Variants in SRP14 observed in about 807,000 individuals in gnomAD.
SRP14 encodes the protein signal recognition particle 14 kDa protein.
In SRP14, 1 loss-of-function variant was observed where a neutral mutation model predicts 16.0. The ratio of observed to expected loss-of-function variants is 0.06; its 90% CI spans 0.02 to 0.30. The LOEUF (loss-of-function observed/expected upper bound fraction) is 0.30. Ranked by LOEUF, SRP14 falls within the 10% of genes least tolerant of loss-of-function variation. The pLI is 1.00. For missense variants in SRP14, 120 were observed against 163.1 expected, an observed-to-expected ratio of 0.74 and a Z score of 1.44; for synonymous variants, 67 against 60.1, an observed-to-expected ratio of 1.12 and a Z score of -0.53.
rs2035628139 is a variant in SRP14, at chr15:40,036,633, A to T, written c.244-133T>A. The T allele has an allele frequency of 5.8e-6, 5 of 860,290 alleles. No homozygotes were observed. The South Asian group carries it at 8.2e-5, about 14-fold the overall frequency. The allele number at this position is 860,290 out of a possible 1,614,324, so 53.3% of individuals were successfully genotyped here. On this transcript the variant is annotated intron_variant, in intron 4 of 4. Transcript: ENST00000267884. ...TAGCACCATTGGACACTTGTACCGG[A>T]AAATGGTATAAGCATAAAACACTCT... is the stretch of plus-strand genomic sequence containing the variant.
intron 3 of SRP14, 136 bp from the exon 4 acceptor site, chr15:40,037,154 A>T (rs967942604): frequency 1.6e-6 from 2 of 1,253,720 alleles, no homozygotes; most frequent in Admixed American, 2.9e-5. Context: ...TTCAGGGTTC[A>T]TAATACACGA....
chr15:40,036,616 T>C (rs559461511), intron 4 of SRP14, 116 bp from the exon 5 acceptor site: 17 of 990,694 alleles, frequency 1.7e-5, no homozygotes, highest in South Asian at 4.6e-5. Context: ...TATAGCACCA[T>C]TGGACACTTG....
rs1457337575 is a variant in SRP14 at position 40,038,936 on chromosome 15, G to A, written c.37C>T (p.Leu13=). The A allele has an allele frequency of 6.2e-7, 1 of 1,612,794 alleles. No homozygotes were observed. Among genetic ancestry groups the A allele is most frequent in the Non-Finnish European group, 8.5e-7 (1 of 1,179,492 alleles). ...CGGCACTTCTGGAAAAGTCTGGTCAGCTCCGTCAGGAACTGGAAAACAACA... is the reference window on the plus strand; with the variant it reads ...CGGCACTTCTGGAAAAGTCTGGTCAACTCCGTCAGGAACTGGAAAACAACA... ...LLESEQFLTE[L]TRLFQKCRTS... Residue 13 remains leucine, a synonymous_variant, in exon 2 of 5, where the codon CTG becomes TTG. Transcript: ENST00000267884.
At chr15:40,037,062 AG>A in intron 3 of SRP14, 44 bp from the exon 4 acceptor site, 2 of 1,601,586 alleles carry the variant, frequency 1.2e-6, no homozygotes, top group South Asian at 1.1e-5. Flanking sequence ...TATCCATATA[AG>A]CATCCTCTTC....
intron 3 of SRP14, among the ~76,000 whole-genome samples, chr15:40,037,787 A>G (rs1340144721): frequency 6.6e-6 from 1 of 152,258 alleles, no homozygotes; most frequent in Non-Finnish European, 1.5e-5. Context: ...AGAATAAAGT[A>G]GTATTCACTC....
Position 40,036,974 on chromosome 15 carries a change from C to G in SRP14, c.243+12G>C. On this transcript the variant is annotated intron_variant, in intron 4 of 4. Coordinates refer to ENST00000267884, the MANE Select transcript of SRP14 (RefSeq NM_003134.6). ...CCTGAGAAGGGAAACATAAGGAACA[C>G]CCAAAACTCACCATCTGAAACTTAT... The G allele has an allele frequency of 6.2e-7, 1 of 1,613,958 alleles. No homozygotes were observed. Among genetic ancestry groups the G allele is most frequent in the Non-Finnish European group, 8.5e-7 (1 of 1,179,972 alleles).
chr15:40,037,279 G>GTAAAAAAAAAAA lies in SRP14; in HGVS notation c.211-262_211-261insTTTTTTTTTTTA. On this transcript the variant is annotated intron_variant, in intron 3 of 4. Coordinates refer to ENST00000267884, the MANE Select transcript of SRP14 (RefSeq NM_003134.6). ...TGAAAGGCAGTAGGCTCCTTTTGGG[G>GTAAAAAAAAAAA]AAAAAAAAAAAAAAAGCTTTGTTTC... 5.4e-6 allele frequency: 4 copies of GTAAAAAAAAAAA among 740,784 alleles called. No individual in the cohort carries two copies. In the East Asian group the frequency reaches 2.8e-4, roughly 51 times the overall value. The allele number at this position is 740,784 out of a possible 1,614,324, so 45.9% of individuals were successfully genotyped here. A position where few individuals can be genotyped will look rare whatever the true frequency, so the allele number is the denominator to read the frequency against.
rs993341509 is a variant in SRP14, at chr15:40,035,702, A to T, written c.*631T>A. 2.0e-5 allele frequency: 3 copies of T among 152,296 alleles called. No homozygotes were observed. Among genetic ancestry groups the T allele is most frequent in the African/African-American group, 7.2e-5 (3 of 41,454 alleles). The allele number at this position is 152,296 out of a possible 1,614,324, so 9.4% of individuals were successfully genotyped here. On this transcript the variant is annotated 3_prime_UTR_variant, in exon 5 of 5. Transcript: ENST00000267884. ...CTGTAATGACTAAGCACATGAAAAT[A>T]TCCAAACCAAAGGGCATAAAGAAAC...
intron 2 of SRP14, 77 bp downstream of exon 2, chr15:40,038,799 C>T: frequency 1.3e-6 from 2 of 1,515,966 alleles, no homozygotes; most frequent in Non-Finnish European, 1.8e-6. Context: ...GGCGGCGGTC[C>T]GCGGCAGACA....
Position 40,038,922 on chromosome 15 carries a change from GAA to G in SRP14, c.49_50del (p.Phe17ProfsTer17). Reference sequence around the variant, plus strand: ...CGCTGCCCGACGTCCGGCACTTCTGGAAAAGTCTGGTCAGCTCCGTCAGGAAC... The same window carrying G: ...CGCTGCCCGACGTCCGGCACTTCTGGAAGTCTGGTCAGCTCCGTCAGGAAC... Reference protein sequence around the residue: ...EQFLTELTRLFQKCRTSGSVY... With the variant: ...EQFLTELTRLXQKCRTSGSVY... On this transcript the variant is annotated frameshift_variant, in exon 2 of 5. Transcript: ENST00000267884. LOFTEE classifies it high-confidence loss of function. The G allele has an allele frequency of 6.2e-7, 1 of 1,613,438 alleles. No homozygotes were observed. Among genetic ancestry groups the G allele is most frequent in the Non-Finnish European group, 8.5e-7 (1 of 1,179,770 alleles).
Position 40,036,084 on chromosome 15 carries a change from T to G in SRP14, c.*249A>C. On this transcript the variant is annotated 3_prime_UTR_variant, in exon 5 of 5. Transcript: ENST00000267884. ...AATGATAGCTTGCTCTTCACAGAGA[T>G]GTCTACAGAGACTTTTAATCTATAA... The G allele has an allele frequency of 1.8e-6, 1 of 563,840 alleles. No homozygotes were observed. Among genetic ancestry groups the G allele is most frequent in the Non-Finnish European group, 3.0e-6 (1 of 330,732 alleles). 34.9% of individuals were successfully genotyped at this position (563,840 alleles called of 1,614,324 possible).
rs761364982 is a variant in SRP14 at position 40,038,994 on chromosome 15, G to A, written c.25-46C>T. 4.5e-5 allele frequency: 72 copies of A among 1,604,086 alleles called. 1 individual carries two copies. In the South Asian group the frequency reaches 7.5e-4, roughly 17 times the overall value. ...CCCCGTTAGCCAGCCCCAAATCCTC[G>A]TCCTGCCGCGTCAAGGCCCTGGTCC... On this transcript the variant is annotated intron_variant, in intron 1 of 4. Transcript: ENST00000267884.
upstream of SRP14, chr15:40,039,192 G>A (rs2035683205): frequency 1.3e-6 from 2 of 1,535,608 alleles, no homozygotes; most frequent in Non-Finnish European, 1.8e-6. Context: ...AGGCTGGGCG[G>A]GACTTCCGCT....
intron 3 of SRP14, chr15:40,037,279 G>GTAA: frequency 1.3e-6 from 1 of 740,792 alleles, no homozygotes; most frequent in Non-Finnish European, 1.7e-6. Flanking sequence ...TCCTTTTGGG[G>GTAA]AAAAAAAAAA....
At chr15:40,037,278 G>GT in intron 3 of SRP14, 22 of 193,348 alleles carry the variant, frequency 1.1e-4, no homozygotes, top group Admixed American at 4.6e-4. Flanking sequence ...CTCCTTTTGG[G>GT]GAAAAAAAAA....
intron 4 of SRP14, chr15:40,036,713 G>GT (rs1172873852): frequency 1.1e-5 from 7 of 660,900 alleles, no homozygotes; most frequent in East Asian, 5.4e-5. Context: ...CATTTTTTAC[G>GT]TTTTTTTCCA....
intron 2 of SRP14, 81 bp from the exon 3 acceptor site, chr15:40,038,475 G>T: frequency 1.0e-6 from 1 of 967,746 alleles, no homozygotes. Flanking sequence ...AGAGGAGTGG[G>T]GTAAGTGATG....
chr15:40,038,675 C>T (rs3986354), intron 2 of SRP14: 37,702 of 634,872 alleles, frequency 0.059, 4,832 homozygotes, highest in East Asian at 0.41. Context: ...CCCATTGTTA[C>T]CAGAAGCAAC....
In SRP14 at chr15:40,039,138, C is replaced by A. The variant is rs1161643839; in HGVS notation, c.-22G>T. Reference sequence around the variant, plus strand: ...CCATCGCGGCGACGCTGGCTCGACTCCCTCCGCTTAAGCCCCTAGCAGTGA... The same window carrying A: ...CCATCGCGGCGACGCTGGCTCGACTACCTCCGCTTAAGCCCCTAGCAGTGA... On this transcript the variant is annotated 5_prime_UTR_variant, in exon 1 of 5. Transcript: ENST00000267884. 8 of 1,607,496 alleles carry A rather than the reference C, an allele frequency of 5.0e-6. No individual in the cohort carries two copies. The East Asian group carries it at 1.1e-4, about 22-fold the overall frequency.
Sources: allele counts gnomAD v4.1 joint callset (sites outside exome capture counted in the v4.1 genomes callset), GRCh38; gene constraint gnomAD v4.1.1; transcripts MANE v1.5; gene names NCBI Gene and HGNC (gene_info 2026-07-23, HGNC 2026-07-21).